CABCOCO1: variants seen among roughly 807,000 people sequenced by gnomAD.
The protein encoded by CABCOCO1 is ciliary-associated calcium-binding coiled-coil protein 1.
A neutral mutation model predicts 35.7 loss-of-function variants in CABCOCO1; 28 were observed. The ratio of observed to expected loss-of-function variants is 0.78; its 90% CI spans 0.58 to 1.07. CABCOCO1 has a LOEUF of 1.07. CABCOCO1 is among the 50% of genes least tolerant of loss of function. CABCOCO1 has a pLI of 0.00. For synonymous variants in CABCOCO1, 95 were observed against 100.1 expected (o/e 0.95, Z 0.30); for missense variants, 326 against 309.2 (o/e 1.05, Z -0.41).
intron 5 of CABCOCO1, among the ~76,000 whole-genome samples, chr10:61,749,814 T>G (rs1841741951): frequency 6.6e-6 from 1 of 152,204 alleles, no homozygotes. Flanking sequence ...GGCTGAGTTA[T>G]TTAACCTCTT....
chr10:61,679,317 CTA>C (rs779463435), intron 2 of CABCOCO1, among the ~76,000 whole-genome samples: 2,399 of 132,182 alleles, frequency 0.018, 80 homozygotes, highest in East Asian at 0.097. Context: ...ATATCTATAT[CTA>C]TATCTATATC....
intron 5 of CABCOCO1, among the ~76,000 whole-genome samples, chr10:61,753,660 G>A (rs1841839755): frequency 6.6e-6 from 1 of 152,092 alleles, no homozygotes; most frequent in Non-Finnish European, 1.5e-5. Context: ...AATTGGGTGG[G>A]GGAAGGGGAG....
chr10:61,732,594 A>G (rs1222310243), intron 5 of CABCOCO1, among the ~76,000 whole-genome samples: 5 of 152,066 alleles, frequency 3.3e-5, no homozygotes, highest in Non-Finnish European at 4.4e-5. Context: ...AAGTTTCCTT[A>G]CTGGAAATAG....
chr10:61,669,880 A>G (rs926408699), intron 1 of CABCOCO1, among the ~76,000 whole-genome samples: 1 of 152,276 alleles, frequency 6.6e-6, no homozygotes, highest in Non-Finnish European at 1.5e-5. Flanking sequence ...CATTATTAAT[A>G]TGACAGTAAT....
intron 7 of CABCOCO1, among the ~76,000 whole-genome samples, chr10:61,764,673 G>A (rs898645409): frequency 1.3e-5 from 2 of 151,850 alleles, no homozygotes; most frequent in Non-Finnish European, 2.9e-5. Flanking sequence ...CTGTGACCTG[G>A]AGGACCGCTC....
intron 2 of CABCOCO1, among the ~76,000 whole-genome samples, chr10:61,679,249 G>A (rs887564357): frequency 1.4e-4 from 21 of 151,828 alleles, no homozygotes; most frequent in African/African-American, 4.6e-4. Context: ...ATATAAGGAA[G>A]GATGCTCATA....
intron 5 of CABCOCO1, among the ~76,000 whole-genome samples, chr10:61,751,568 T>A (rs1264065126): frequency 1.6e-4 from 24 of 152,078 alleles, no homozygotes; most frequent in Admixed American, 1.6e-3. Flanking sequence ...GAAAAATAAA[T>A]GGACAAGCTT....
chr10:61,672,995 G>C (rs755100165), intron 2 of CABCOCO1, among the ~76,000 whole-genome samples: 2 of 152,072 alleles, frequency 1.3e-5, no homozygotes, highest in Non-Finnish European at 2.9e-5. Context: ...ATAAAAGCAG[G>C]CTATAGCATA....
chr10:61,732,385 G>A (rs758321573), intron 5 of CABCOCO1, among the ~76,000 whole-genome samples: 1 of 151,848 alleles, frequency 6.6e-6, no homozygotes, highest in Non-Finnish European at 1.5e-5. Flanking sequence ...TAGAATGCAG[G>A]TTCAAAAAGC....
chr10:61,710,947 C>T (rs933724524), intron 5 of CABCOCO1, among the ~76,000 whole-genome samples: 1 of 151,476 alleles, frequency 6.6e-6, no homozygotes, highest in Non-Finnish European at 1.5e-5. Context: ...TACTACAAAC[C>T]CCAAATCAAT....
chr10:61,761,353 T>G (rs2132094639), intron 7 of CABCOCO1, among the ~76,000 whole-genome samples: 1 of 152,212 alleles, frequency 6.6e-6, no homozygotes, highest in East Asian at 1.9e-4. Context: ...GATCAAACCT[T>G]AATCCTCAGC....
chr10:61,743,720 T>C (rs1841598247), intron 5 of CABCOCO1, among the ~76,000 whole-genome samples: 2 of 152,186 alleles, frequency 1.3e-5, no homozygotes, highest in African/African-American at 2.4e-5. Context: ...CATTTGTATA[T>C]GCCACTTCCT....
intron 3 of CABCOCO1, chr10:61,685,038 G>C (rs1839913409): frequency 1.3e-5 from 2 of 152,136 alleles, no homozygotes; most frequent in Non-Finnish European, 2.9e-5. Flanking sequence ...AAATCACTGA[G>C]CTCTTTACTT....
At chr10:61,706,773 C>A (rs1226454965) in intron 5 of CABCOCO1, among the ~76,000 whole-genome samples, 2 of 152,024 alleles carry the variant, frequency 1.3e-5, no homozygotes, top group Non-Finnish European at 2.9e-5. Context: ...AGGTTTCATT[C>A]CCAGCTCCCT....
At chr10:61,673,688 G>A (rs1839427876) in intron 2 of CABCOCO1, among the ~76,000 whole-genome samples, 1 of 152,186 alleles carries the variant, frequency 6.6e-6, no homozygotes. Context: ...ACACTGACAG[G>A]CCTTTTCCTG....
chr10:61,703,458 C>T (rs747438400), intron 5 of CABCOCO1, among the ~76,000 whole-genome samples: 14 of 152,062 alleles, frequency 9.2e-5, no homozygotes, highest in Middle Eastern at 3.4e-3. Flanking sequence ...ATTTAAAGAG[C>T]GGAAATCTGA....
At chr10:61,748,656 AGAT>A (rs1272569418) in intron 5 of CABCOCO1, among the ~76,000 whole-genome samples, 1 of 152,244 alleles carries the variant, frequency 6.6e-6, no homozygotes, top group Admixed American at 6.5e-5. Flanking sequence ...TTGACCTAGC[AGAT>A]GATACAGCTT....
chr10:61,703,854 A>G (rs900969852), intron 5 of CABCOCO1, among the ~76,000 whole-genome samples: 2 of 152,142 alleles, frequency 1.3e-5, no homozygotes, highest in African/African-American at 4.8e-5. Flanking sequence ...CTCAGCCCAA[A>G]GATGATACAT....
At chr10:61,687,971 T>C (rs920934133) in intron 4 of CABCOCO1, among the ~76,000 whole-genome samples, 2 of 152,096 alleles carry the variant, frequency 1.3e-5, no homozygotes, top group South Asian at 4.1e-4. Flanking sequence ...ACAACACCTG[T>C]TCAGAACCCC....
Sources: gnomAD v4.1 joint callset for allele counts (sites outside exome capture counted in the v4.1 genomes callset) on GRCh38, gnomAD v4.1.1 for gene constraint, MANE v1.5 for transcripts, NCBI Gene and HGNC (gene_info 2026-07-23, HGNC 2026-07-21) for gene names.